The following CALN1 variants were observed in gnomAD, a reference collection of about 807,000 sequenced individuals.
CALN1 encodes the protein calcium-binding protein 8.
CALN1 carries 17 observed loss-of-function variants against 30.6 expected under a neutral mutation model. The observed-to-expected ratio is 0.56, with a 90% CI of 0.38 to 0.83. CALN1 has a LOEUF of 0.83. Ranked by LOEUF, CALN1 falls within the 40% of genes least tolerant of loss-of-function variation. The pLI, the probability that CALN1 is intolerant of heterozygous loss-of-function variation, is 0.00. For synonymous variants in CALN1, 156 were observed against 131.4 expected (o/e 1.19, Z -1.28); for missense variants, 291 against 354.9 (o/e 0.82, Z 1.45).
chr7:71,801,375 G>A (rs1021840170), intron 6 of CALN1, among the ~76,000 whole-genome samples: 2 of 128,606 alleles, frequency 1.6e-5, no homozygotes, highest in African/African-American at 5.7e-5. Context: ...ACCATGCCTG[G>A]TTATGTATGT....
chr7:72,168,714 C>T (rs1406994514), intron 3 of CALN1, among the ~76,000 whole-genome samples: 1 of 152,002 alleles, frequency 6.6e-6, no homozygotes, highest in African/African-American at 2.4e-5. Context: ...ATATGCCATA[C>T]TACCCTTCCT....
At chr7:72,424,621 G>A (rs2042208) in intron 1 of CALN1, among the ~76,000 whole-genome samples, 30,066 of 151,162 alleles carry the variant, frequency 0.2, 3,200 homozygotes, top group Non-Finnish European at 0.23. Flanking sequence ...TTTAGAGAAC[G>A]TGTCTCACTG....
chr7:72,376,104 T>A (rs1241098184), intron 2 of CALN1, among the ~76,000 whole-genome samples: 1 of 152,264 alleles, frequency 6.6e-6, no homozygotes, highest in Non-Finnish European at 1.5e-5. Context: ...TAATATCCAC[T>A]TTATGGATTA....
the CALN1 span, among the ~76,000 whole-genome samples, chr7:72,479,939 G>A: frequency 6.6e-6 from 1 of 152,174 alleles, no homozygotes; most frequent in Non-Finnish European, 1.5e-5. Flanking sequence ...ATAAGTGTGG[G>A]TGTATTTCTG....
intron 6 of CALN1, among the ~76,000 whole-genome samples, chr7:71,795,288 G>A (rs1253955236): frequency 1.3e-5 from 2 of 152,074 alleles, no homozygotes; most frequent in African/African-American, 4.8e-5. Flanking sequence ...CCAAAGTGCT[G>A]GGATTATAGA....
At chr7:72,273,106 C>T (rs533113886) in intron 3 of CALN1, among the ~76,000 whole-genome samples, 21 of 151,808 alleles carry the variant, frequency 1.4e-4, no homozygotes, top group African/African-American at 3.9e-4. Flanking sequence ...AAACTGGAGA[C>T]GGCATGCATA....
intron 4 of CALN1, among the ~76,000 whole-genome samples, chr7:72,039,489 AG>A (rs1405950386): frequency 3.3e-5 from 5 of 152,238 alleles, no homozygotes; most frequent in Non-Finnish European, 7.3e-5. Context: ...AGATAATAAA[AG>A]ATTCCGTGCA....
the CALN1 span, among the ~76,000 whole-genome samples, chr7:72,467,393 G>A: frequency 3.3e-5 from 5 of 152,162 alleles, no homozygotes; most frequent in South Asian, 2.1e-4. Flanking sequence ...CTGTCAGCTC[G>A]GGCTGTAAGA....
intron 5 of CALN1, among the ~76,000 whole-genome samples, chr7:72,007,609 A>C (rs540891960): frequency 2.8e-4 from 42 of 152,292 alleles, no homozygotes; most frequent in African/African-American, 1.0e-3. Context: ...ATTCATTATC[A>C]ATTTATTTAA....
At chr7:71,877,038 T>C (rs866877492) in intron 5 of CALN1, among the ~76,000 whole-genome samples, 15 of 152,328 alleles carry the variant, frequency 9.8e-5, no homozygotes, top group Middle Eastern at 3.4e-3. Context: ...AGAAAACTGA[T>C]GAAACCAGAA....
chr7:71,801,774 C>T (rs1275859604), intron 6 of CALN1, among the ~76,000 whole-genome samples: 2 of 151,744 alleles, frequency 1.3e-5, no homozygotes, highest in Non-Finnish European at 2.9e-5. Flanking sequence ...GTCAGGAGTT[C>T]GAGACCAGCC....
chr7:72,393,172 A>G (rs939490097), intron 2 of CALN1, among the ~76,000 whole-genome samples: 16 of 152,122 alleles, frequency 1.1e-4, no homozygotes, highest in Non-Finnish European at 2.2e-4. Flanking sequence ...TTTTGCCTTA[A>G]AAACTAGCAC....
intron 2 of CALN1, among the ~76,000 whole-genome samples, chr7:72,398,046 T>C (rs1189120024): frequency 2.6e-5 from 4 of 152,120 alleles, no homozygotes; most frequent in African/African-American, 4.8e-5. Flanking sequence ...AGTAGGACCA[T>C]TGGCCAGAGA....
At chr7:72,301,474 G>A (rs1799256097) in intron 2 of CALN1, among the ~76,000 whole-genome samples, 1 of 151,972 alleles carries the variant, frequency 6.6e-6, no homozygotes, top group African/African-American at 2.4e-5. Flanking sequence ...CTGGCTTGGT[G>A]GCGCATGCCT....
intron 5 of CALN1, among the ~76,000 whole-genome samples, chr7:71,925,057 A>G (rs1036965139): frequency 6.6e-6 from 1 of 152,198 alleles, no homozygotes; most frequent in African/African-American, 2.4e-5. Context: ...CCTGACCAAC[A>G]TGGTGAAACC....
At chr7:72,499,881 C>A in the CALN1 span, among the ~76,000 whole-genome samples, 2 of 60,826 alleles carry the variant, frequency 3.3e-5, no homozygotes, top group Admixed American at 2.1e-4. Flanking sequence ...TTCTTTCTTT[C>A]TTTCTTTCTT....
At chr7:72,012,699 A>T (rs1289827676) in intron 5 of CALN1, among the ~76,000 whole-genome samples, 2 of 152,194 alleles carry the variant, frequency 1.3e-5, no homozygotes, top group Non-Finnish European at 2.9e-5. Context: ...AGGGTCATAC[A>T]GTGGCTTTGG....
chr7:72,501,008 CTCAT>C, the CALN1 span, among the ~76,000 whole-genome samples: 1 of 151,792 alleles, frequency 6.6e-6, no homozygotes, highest in South Asian at 2.1e-4. Flanking sequence ...GAGAATAAAA[CTCAT>C]TAATTAATAA....
chr7:71,923,459 T>C (rs1795088228), intron 5 of CALN1, among the ~76,000 whole-genome samples: 1 of 152,168 alleles, frequency 6.6e-6, no homozygotes, highest in South Asian at 2.1e-4. Flanking sequence ...TTGTGATTCA[T>C]CCAATTAACC....
Sources: gnomAD v4.1 joint callset for allele counts (sites outside exome capture counted in the v4.1 genomes callset) on GRCh38, gnomAD v4.1.1 for gene constraint, MANE v1.5 for transcripts, NCBI Gene and HGNC (gene_info 2026-07-23, HGNC 2026-07-21) for gene names.